UPRT: variants seen among roughly 807,000 people sequenced by gnomAD.
The protein encoded by UPRT is RP11-311P8.3.
In UPRT, 5 loss-of-function variants were observed where a neutral mutation model predicts 22.6. The ratio of observed to expected loss-of-function variants is 0.22; its 90% CI spans 0.12 to 0.47. UPRT has a LOEUF of 0.47. Ranked by LOEUF, UPRT falls within the 20% of genes least tolerant of loss-of-function variation. The pLI, the probability that UPRT is intolerant of heterozygous loss-of-function variation, is 0.99. For missense variants in UPRT, 181 were observed against 239.9 expected, an observed-to-expected ratio of 0.75 and a Z score of 1.62; for synonymous variants, 77 against 87.7, an observed-to-expected ratio of 0.88 and a Z score of 0.68.
intron 1 of UPRT, among the ~76,000 whole-genome samples, chrX:75,280,230 C>G (rs2082649476): frequency 9.1e-6 from 1 of 110,063 alleles, no homozygotes; most frequent in Non-Finnish European, 1.9e-5. Flanking sequence ...TATGGGTTGT[C>G]TGTTTACTCT....
At chrX:75,295,405 TA>T (rs143137264) in intron 2 of UPRT, among the ~76,000 whole-genome samples, 9 of 110,079 alleles carry the variant, frequency 8.2e-5, no homozygotes, top group South Asian at 3.9e-4. Context: ...AATTTGCTCA[TA>T]AAAAAAAATC....
intron 4 of UPRT, among the ~76,000 whole-genome samples, chrX:75,248,316 A>C (rs2082514571): frequency 9.0e-6 from 1 of 111,710 alleles, no homozygotes; most frequent in Admixed American, 9.6e-5. Context: ...CTTGAAAAAA[A>C]ATTAGACGAA....
At chrX:75,180,681 GTTTTTTTTTTTTTGTTT>G (rs2082266478) in intron 4 of UPRT, among the ~76,000 whole-genome samples, 2 of 43,905 alleles carry the variant, frequency 4.6e-5, no homozygotes, top group South Asian at 2.2e-3. Flanking sequence ...CCTTTTCTCT[GTTTTTTTTTTTTTGTTT>G]TTTTTTTTTT....
intron 4 of UPRT, among the ~76,000 whole-genome samples, chrX:75,227,047 T>C (rs1289810148): frequency 9.0e-6 from 1 of 111,155 alleles, no homozygotes; most frequent in African/African-American, 3.3e-5. Flanking sequence ...TTTGGGCATG[T>C]ATGTGAGCTT....
At chrX:75,181,457 A>T (rs6655631) in intron 4 of UPRT, among the ~76,000 whole-genome samples, 3,217 of 111,399 alleles carry the variant, frequency 0.029, 117 homozygotes, top group African/African-American at 0.1. Flanking sequence ...CCATTTTGTC[A>T]GTATTGATGC....
At chrX:75,228,649 A>G (rs1346809730) in intron 4 of UPRT, among the ~76,000 whole-genome samples, 14 of 111,773 alleles carry the variant, frequency 1.3e-4, no homozygotes, top group Non-Finnish European at 3.8e-5. Context: ...AGGGTGAAAT[A>G]TAGCTTTTGT....
Position 75,303,336 on chromosome X carries a change from T to C in UPRT, c.824-69T>C, listed in dbSNP as rs1267556455. ...CAATTTTAGACCTAGTGGCAATAAC[T>C]ACAAAATTCCTGAATTACAACTGGT... On this transcript the variant is annotated intron_variant, in intron 6 of 6. Transcript: ENST00000373383. The C allele has an allele frequency of 1.6e-5, 14 of 849,597 alleles. No homozygotes were observed. In the East Asian group the frequency reaches 4.2e-4, roughly 25 times the overall value. The allele number at this position is 849,597 out of a possible 1,213,427, so 70.0% of individuals were successfully genotyped here.
intron 4 of UPRT, among the ~76,000 whole-genome samples, chrX:75,203,410 T>C (rs1415626792): frequency 1.8e-5 from 2 of 109,243 alleles, no homozygotes; most frequent in African/African-American, 6.7e-5. Context: ...TTAACAAGGA[T>C]ATTCAGGACT....
chrX:75,238,580 A>C (rs1027129072), intron 4 of UPRT, among the ~76,000 whole-genome samples: 1 of 111,921 alleles, frequency 8.9e-6, no homozygotes, highest in African/African-American at 3.2e-5. Flanking sequence ...ACAGAAAGTC[A>C]ACAGAGAAAC....
chrX:75,255,064 C>A (rs915383632), intron 4 of UPRT, among the ~76,000 whole-genome samples: 4 of 110,502 alleles, frequency 3.6e-5, no homozygotes, highest in Non-Finnish European at 5.7e-5. Context: ...CGTGAGCCAC[C>A]GCGCCCGGCC....
intron 4 of UPRT, among the ~76,000 whole-genome samples, chrX:75,208,770 A>C (rs948542054): frequency 4.1e-4 from 46 of 111,443 alleles, no homozygotes; most frequent in African/African-American, 1.5e-3. Context: ...TGGCTGGGTT[A>C]AGGGGATATT....
chrX:75,266,782 T>C (rs1419907512), intron 4 of UPRT, among the ~76,000 whole-genome samples: 2 of 110,925 alleles, frequency 1.8e-5, no homozygotes, highest in Non-Finnish European at 3.8e-5. Context: ...GTGAAGAATA[T>C]GAACAGACAC....
rs182012568 is a variant in UPRT at position 75,249,873 on chromosome X, G to T, written c.-446-41151G>T. ...ATAACAAACTGTCTCTCAGACCACA[G>T]TGCAATCAAACTGGAACTCAGGATT... On this transcript the variant is annotated intron_variant, in intron 4 of 13. Transcript: ENST00000652605. Among the ~76,000 whole-genome samples, 413 of 111,559 alleles carry T rather than the reference G, an allele frequency of 3.7e-3. 3 individuals carry two copies. Among genetic ancestry groups the T allele is most frequent in the African/African-American group, 0.013 (393 of 30,803 alleles).
chrX:75,198,063 G>A (rs1221448888), intron 4 of UPRT, among the ~76,000 whole-genome samples: 1 of 112,765 alleles, frequency 8.9e-6, no homozygotes, highest in African/African-American at 3.2e-5. Flanking sequence ...ATTCATAATA[G>A]CTCCAAATTG....
intron 4 of UPRT, among the ~76,000 whole-genome samples, chrX:75,252,803 CAAT>C (rs1409240034): frequency 8.9e-6 from 1 of 112,143 alleles, no homozygotes; most frequent in Non-Finnish European, 1.9e-5. Context: ...AAATGTCCAA[CAAT>C]GATAGACTAG....
intron 4 of UPRT, among the ~76,000 whole-genome samples, chrX:75,263,016 C>T (rs2082574058): frequency 9.0e-6 from 1 of 111,540 alleles, no homozygotes; most frequent in South Asian, 3.7e-4. Flanking sequence ...TTCTCTGCAC[C>T]TCATCGCACT....
At chrX:75,255,245 G>T (rs1473627333) in intron 4 of UPRT, among the ~76,000 whole-genome samples, 4 of 111,172 alleles carry the variant, frequency 3.6e-5, no homozygotes, top group Non-Finnish European at 7.5e-5. Context: ...AATTTTGTAT[G>T]CAGTGAAACT....
chrX:75,180,681 G>GTTTTTTTTTTTTTTTTTTTT (rs59522302), intron 4 of UPRT, among the ~76,000 whole-genome samples: 3 of 43,888 alleles, frequency 6.8e-5, no homozygotes, highest in African/African-American at 9.2e-5. Context: ...CCTTTTCTCT[G>GTTTTTTTTTTTTTTTTTTTT]TTTTTTTTTT....
chrX:75,183,948 G>A (rs954589366), intron 4 of UPRT, among the ~76,000 whole-genome samples: 16 of 111,796 alleles, frequency 1.4e-4, no homozygotes, highest in Admixed American at 2.8e-4. Context: ...AGTAGGTTGC[G>A]AAAACTTTCT....
Sources: allele counts gnomAD v4.1 joint callset (sites outside exome capture counted in the v4.1 genomes callset), GRCh38; gene constraint gnomAD v4.1.1; transcripts MANE v1.5; gene names NCBI Gene and HGNC (gene_info 2026-07-23, HGNC 2026-07-21).